Variants in NUDT3 observed in about 807,000 individuals in gnomAD.
NUDT3 encodes the protein nudix hydrolase 3, also known as diphosphoinositol polyphosphate phosphohydrolase 1.
In NUDT3, 9 loss-of-function variants were observed where a neutral mutation model predicts 23.6. The observed-to-expected ratio is 0.38, with a 90% CI of 0.23 to 0.66. The LOEUF (loss-of-function observed/expected upper bound fraction) is 0.66. Ranked by LOEUF, NUDT3 falls within the 30% of genes least tolerant of loss-of-function variation. The pLI is 0.52. For missense variants in NUDT3, 172 were observed against 218.5 expected, an observed-to-expected ratio of 0.79 and a Z score of 1.34; for synonymous variants, 86 against 82.6, an observed-to-expected ratio of 1.04 and a Z score of -0.22.
Position 34,341,916 on chromosome 6 carries a change from G to A in NUDT3, c.156C>T (p.Gly52=). ...CACTTGGCTCCTCCTCGGGCTCCAT[G>A]CCTCCTCCAGGGACAATCCATCTGT... is the stretch of plus-strand genomic sequence containing the variant. ...HPDRWIVPGG[G]MEPEEEPSVA... is the part of the protein sequence containing the mutation. Residue 52 remains glycine (G), a synonymous_variant, in exon 2 of 5, where the codon GGC becomes GGT. Transcript: ENST00000607016. 1 of 1,614,054 alleles carries A rather than the reference G, an allele frequency of 6.2e-7. No homozygotes were observed. The highest frequency in any genetic ancestry group is 8.5e-7 in the Non-Finnish European group (1 of 1,179,964).
At position 34,381,401 on chromosome 6, in the gene NUDT3, G is replaced by T. The variant is rs147943287; in HGVS notation, c.99+10863C>A. 2.2e-3 allele frequency among the ~76,000 whole-genome samples: 331 copies of T among 151,602 alleles called. 1 individual carries two copies. Among genetic ancestry groups the T allele is most frequent in the East Asian group, 0.011 (55 of 5,158 alleles). On this transcript the variant is annotated intron_variant, in intron 1 of 4. Transcript: ENST00000607016. ...TCTTCAGTTTGAAGTATTCTTTATA[G>T]ATACCACAATACAATTACTTTTGTA...
At chr6:34,362,033 C>T (rs1305912677) in intron 1 of NUDT3, among the ~76,000 whole-genome samples, 2 of 152,158 alleles carry the variant, frequency 1.3e-5, no homozygotes, top group Non-Finnish European at 2.9e-5. Context: ...CTGATTGTAA[C>T]AAATATACCA....
intron 2 of NUDT3, among the ~76,000 whole-genome samples, chr6:34,306,797 A>AT: frequency 6.6e-6 from 1 of 152,370 alleles, no homozygotes; most frequent in East Asian, 1.9e-4. Context: ...GAGTAAAAAG[A>AT]TATCTTTAAT....
intron 1 of NUDT3, among the ~76,000 whole-genome samples, chr6:34,356,690 A>T (rs572821591): frequency 6.6e-6 from 1 of 151,560 alleles, no homozygotes. Context: ...TTTGGGGAAT[A>T]ATGACAAACT....
At chr6:34,296,771 A>G (rs58546736) in intron 2 of NUDT3, among the ~76,000 whole-genome samples, 33 of 152,242 alleles carry the variant, frequency 2.2e-4, no homozygotes, top group African/African-American at 7.9e-4. Flanking sequence ...TCTGTATACA[A>G]TATGGTGGAA....
chr6:34,352,990 A>G (rs1764500545), intron 1 of NUDT3, among the ~76,000 whole-genome samples: 1 of 152,212 alleles, frequency 6.6e-6, no homozygotes, highest in Non-Finnish European at 1.5e-5. Flanking sequence ...CTTTTCAAAC[A>G]TCTATTTTTT....
At chr6:34,387,471 G>C (rs959338964) in intron 1 of NUDT3, among the ~76,000 whole-genome samples, 1 of 151,752 alleles carries the variant, frequency 6.6e-6, no homozygotes, top group Non-Finnish European at 1.5e-5. Context: ...GGTAGCCAGA[G>C]GAACAAAAAG....
At chr6:34,351,523 C>T (rs1410431606) in intron 1 of NUDT3, among the ~76,000 whole-genome samples, 1 of 149,540 alleles carries the variant, frequency 6.7e-6, no homozygotes, top group South Asian at 2.1e-4. Context: ...GGGCATGTCA[C>T]CTGAGGTCAG....
chr6:34,342,648 C>CT (rs1421713800), intron 1 of NUDT3, among the ~76,000 whole-genome samples: 2 of 152,218 alleles, frequency 1.3e-5, no homozygotes, highest in Admixed American at 1.3e-4. Context: ...TGCCTAGTTC[C>CT]TTTTCCTTAC....
At chr6:34,391,969 T>C (rs1465869606) in intron 1 of NUDT3, among the ~76,000 whole-genome samples, 2 of 152,008 alleles carry the variant, frequency 1.3e-5, no homozygotes, top group Non-Finnish European at 2.9e-5. Context: ...CCCACTGCCT[T>C]CTCCCGCGGC....
intron 1 of NUDT3, among the ~76,000 whole-genome samples, chr6:34,391,523 T>G (rs371039541): frequency 4.5e-4 from 68 of 152,276 alleles, no homozygotes; most frequent in Admixed American, 9.2e-4. Flanking sequence ...CCTAGCTAAT[T>G]TAATCCTAAG....
Position 34,392,300 on chromosome 6 carries a change from G to T in NUDT3, c.63C>A (p.Ala21=). ...TCTCGCTGCGGAAACACAGGCATGC[G>T]GCCCGCTTCTTGTAGCCGTCGCCGT... ...TYDGDGYKKR[A]ACLCFRSESE... is the part of the protein sequence containing the mutation. Residue 21 remains alanine (A), a synonymous_variant, in exon 1 of 5, where the codon GCC becomes GCA. Coordinates refer to ENST00000607016, the MANE Select transcript of NUDT3 (RefSeq NM_006703.4). 1 of 1,605,978 alleles carries T rather than the reference G, an allele frequency of 6.2e-7. No individual in the cohort carries two copies.
At chr6:34,345,588 G>A (rs1248641486) in intron 1 of NUDT3, among the ~76,000 whole-genome samples, 2 of 148,764 alleles carry the variant, frequency 1.3e-5, no homozygotes, top group Admixed American at 6.7e-5. Context: ...GCGTGAACCC[G>A]GGAGGTGGAG....
chr6:34,386,496 T>C (rs1180180341), intron 1 of NUDT3, among the ~76,000 whole-genome samples: 2 of 152,164 alleles, frequency 1.3e-5, no homozygotes, highest in African/African-American at 2.4e-5. Context: ...GAGTGTTCAA[T>C]AAATTTGCTA....
rs139035116 is a variant in NUDT3 at position 34,332,926 on chromosome 6, CT to C, written c.210+8935del. On this transcript the variant is annotated intron_variant, in intron 2 of 4. Coordinates refer to ENST00000607016, the MANE Select transcript of NUDT3 (RefSeq NM_006703.4). The stretch of plus-strand genomic sequence containing the variant: ...TCAGACACAGCTTCCCTTTTTTCCC[CT>C]GTCAGACAAGAGTTTTACCTTTCCC... Among the ~76,000 whole-genome samples the C allele has an allele frequency of 3.5e-3, 528 of 152,118 alleles. 2 individuals are homozygous for C. The highest frequency in any genetic ancestry group is 0.012 in the African/African-American group (508 of 41,430).
chr6:34,318,826 G>C (rs1276436678), intron 2 of NUDT3, among the ~76,000 whole-genome samples: 4 of 152,034 alleles, frequency 2.6e-5, no homozygotes, highest in Non-Finnish European at 5.9e-5. Context: ...GCCTCCCAAA[G>C]TGCTGGGATT....
chr6:34,296,838 A>G (rs1230441138), intron 2 of NUDT3, among the ~76,000 whole-genome samples: 1 of 152,074 alleles, frequency 6.6e-6, no homozygotes, highest in Non-Finnish European at 1.5e-5. Context: ...GAACATAAAC[A>G]TGGTAATTCT....
intron 1 of NUDT3, among the ~76,000 whole-genome samples, chr6:34,351,741 CA>C (rs1017090378): frequency 0.043 from 2,323 of 54,304 alleles, 47 homozygotes; most frequent in African/African-American, 0.12. Flanking sequence ...AACTCTGTCT[CA>C]AAAAAAAAAA....
intron 2 of NUDT3, among the ~76,000 whole-genome samples, chr6:34,333,721 C>A (rs1764164065): frequency 6.6e-6 from 1 of 152,196 alleles, no homozygotes; most frequent in South Asian, 2.1e-4. Flanking sequence ...GCTTTTATAG[C>A]ACATGACTTC....
Sources: allele counts gnomAD v4.1 joint callset (sites outside exome capture counted in the v4.1 genomes callset), GRCh38; gene constraint gnomAD v4.1.1; transcripts MANE v1.5; gene names NCBI Gene and HGNC (gene_info 2026-07-23, HGNC 2026-07-21).